Variants in PSD3 observed in about 807,000 individuals in gnomAD.
PSD3 encodes the protein pleckstrin and Sec7 domain containing 3.
Under a neutral mutation model 105.5 loss-of-function variants are expected in PSD3, and 49 were observed. The observed-to-expected ratio is 0.46, with a 90% CI of 0.37 to 0.59. The LOEUF is 0.59. Among genes scored for constraint, PSD3 ranks in the 20% least tolerant of loss-of-function variants. The probability of loss-of-function intolerance (pLI) is 0.00; values close to 1 mark genes in which losing one functional copy is unlikely to be tolerated. For missense variants in PSD3, 1,561 were observed against 1,263.8 expected, an observed-to-expected ratio of 1.24 and a Z score of -3.57; for synonymous variants, 557 against 457.8, an observed-to-expected ratio of 1.22 and a Z score of -2.77.
chr8:18,545,223 G>C (rs1190478248), intron 15 of PSD3, among the ~76,000 whole-genome samples: 2 of 151,946 alleles, frequency 1.3e-5, no homozygotes, highest in African/African-American at 2.4e-5. Context: ...AGTCTACAAA[G>C]CTTACTTAGA....
chr8:18,872,189 A>G lies in PSD3; in HGVS notation c.675T>C (p.Thr225=). 6.2e-7 allele frequency: 1 copy of G among 1,614,196 alleles called. No homozygotes were observed. Among genetic ancestry groups the G allele is most frequent in the Non-Finnish European group, 8.5e-7 (1 of 1,180,028 alleles). ...TCATTATCTGGGAAATCTCTGCCTGAGTGTCTCCAGTTAACAGCGCGGTGA... is the reference window on the plus strand; with the variant it reads ...TCATTATCTGGGAAATCTCTGCCTGGGTGTCTCCAGTTAACAGCGCGGTGA... ...KDLTALLTGD[T]QAEISQIMNN... The change falls in exon 3 of 16, where the codon ACT becomes ACC. Residue 225 remains threonine, a synonymous_variant. Transcript: ENST00000327040.
intron 1 of PSD3, chr8:18,989,531 G>T (rs1825683969): frequency 6.6e-6 from 1 of 152,188 alleles, no homozygotes. Context: ...TAGGTTAGAT[G>T]ATTTAATGAG....
At chr8:18,603,147 G>A (rs2130588459) in intron 11 of PSD3, among the ~76,000 whole-genome samples, 1 of 152,328 alleles carries the variant, frequency 6.6e-6, no homozygotes, top group South Asian at 2.1e-4. Flanking sequence ...CATTTTACAT[G>A]TGAGCCCATC....
chr8:19,004,772 CG>C (rs1426861367), intron 1 of PSD3, among the ~76,000 whole-genome samples: 1 of 151,818 alleles, frequency 6.6e-6, no homozygotes, highest in Non-Finnish European at 1.5e-5. Flanking sequence ...ATTGAATTAC[CG>C]GGGTGAGTCT....
At chr8:18,607,804 AC>A (rs1172713945) in intron 11 of PSD3, among the ~76,000 whole-genome samples, 10 of 151,994 alleles carry the variant, frequency 6.6e-5, no homozygotes, top group African/African-American at 2.4e-4. Context: ...TAACTGACTC[AC>A]AGTTCAGCAT....
At chr8:18,570,995 G>C (rs1802100434) in intron 14 of PSD3, among the ~76,000 whole-genome samples, 1 of 152,106 alleles carries the variant, frequency 6.6e-6, no homozygotes, top group South Asian at 2.1e-4. Context: ...AAGTAGCTGG[G>C]ATTACAGTCA....
At chr8:18,746,014 T>G (rs959358764) in intron 9 of PSD3, among the ~76,000 whole-genome samples, 7 of 152,202 alleles carry the variant, frequency 4.6e-5, no homozygotes, top group Admixed American at 3.9e-4. Flanking sequence ...AAATCCTACC[T>G]TCAGGCCAAA....
At chr8:19,073,763 C>T (rs1829351700) in intron 1 of PSD3, among the ~76,000 whole-genome samples, 1 of 151,086 alleles carries the variant, frequency 6.6e-6, no homozygotes, top group African/African-American at 2.4e-5. Flanking sequence ...CTCTGATTTG[C>T]TATTCAAACA....
At chr8:18,672,932 G>A (rs2130919087) in intron 9 of PSD3, among the ~76,000 whole-genome samples, 1 of 151,848 alleles carries the variant, frequency 6.6e-6, no homozygotes, top group East Asian at 1.9e-4. Flanking sequence ...TTCCAGTCTC[G>A]TATGTACCTA....
chr8:18,918,163 G>C (rs1820746211), intron 2 of PSD3, among the ~76,000 whole-genome samples: 1 of 152,178 alleles, frequency 6.6e-6, no homozygotes, highest in Admixed American at 6.5e-5. Context: ...CTGCCCACCT[G>C]AAGTCTTCTA....
intron 1 of PSD3, among the ~76,000 whole-genome samples, chr8:19,060,392 G>A (rs1434451812): frequency 6.6e-6 from 1 of 152,102 alleles, no homozygotes; most frequent in African/African-American, 2.4e-5. Context: ...TAACCACAGA[G>A]GTCTATAGAT....
chr8:18,663,607 C>A (rs1420143105), intron 9 of PSD3, among the ~76,000 whole-genome samples: 1 of 152,196 alleles, frequency 6.6e-6, no homozygotes, highest in East Asian at 1.9e-4. Context: ...ACTACTTTTG[C>A]TTCACCTTGA....
Position 18,541,273 on chromosome 8 carries a change from C to T in PSD3, c.2929-5315G>A, listed in dbSNP as rs75813685. On this transcript the variant is annotated intron_variant, in intron 15 of 15. Coordinates refer to ENST00000327040, the MANE Select transcript of PSD3 (RefSeq NM_015310.4). ...ATATATCCCCAGGGCCAAGAACACACAGTGGACAAGGAATAAGCGCCACTG... is the reference window on the plus strand; with the variant it reads ...ATATATCCCCAGGGCCAAGAACACATAGTGGACAAGGAATAAGCGCCACTG... Among the ~76,000 whole-genome samples the T allele has an allele frequency of 3.2e-3, 490 of 151,426 alleles. 6 individuals carry two copies. The highest frequency in any genetic ancestry group is 0.011 in the African/African-American group (458 of 41,186).
At chr8:18,907,062 C>T (rs1289135112) in intron 2 of PSD3, among the ~76,000 whole-genome samples, 5 of 152,112 alleles carry the variant, frequency 3.3e-5, no homozygotes, top group African/African-American at 4.8e-5. Flanking sequence ...TTTTAAGTAT[C>T]ATTACAAAAT....
At chr8:18,761,385 C>G (rs1463903265) in intron 9 of PSD3, among the ~76,000 whole-genome samples, 1 of 152,094 alleles carries the variant, frequency 6.6e-6, no homozygotes, top group African/African-American at 2.4e-5. Context: ...CCTTCCAGCC[C>G]ACTTTAGGCT....
At chr8:18,668,263 G>GT (rs1025246345) in intron 9 of PSD3, among the ~76,000 whole-genome samples, 1 of 152,232 alleles carries the variant, frequency 6.6e-6, no homozygotes, top group Non-Finnish European at 1.5e-5. Context: ...ATTAGAAATT[G>GT]TAAGGAGGAA....
intron 4 of PSD3, among the ~76,000 whole-genome samples, chr8:18,867,376 T>C (rs150156268): frequency 1.3e-5 from 2 of 152,330 alleles, no homozygotes; most frequent in African/African-American, 4.8e-5. Context: ...ACCACGTCTC[T>C]GCCATCATCG....
intron 1 of PSD3, among the ~76,000 whole-genome samples, chr8:18,959,920 G>C (rs1264553222): frequency 6.6e-6 from 1 of 152,130 alleles, no homozygotes; most frequent in Non-Finnish European, 1.5e-5. Flanking sequence ...TGGTCCCTCA[G>C]GCTGGAAACA....
rs183624761 is a variant in PSD3, at chr8:18,914,058, C to T, written c.130+21976G>A. Among the ~76,000 whole-genome samples, 365 of 152,232 alleles carry T rather than the reference C, an allele frequency of 2.4e-3. 2 individuals carry two copies. The highest frequency in any genetic ancestry group is 8.1e-3 in the African/African-American group (337 of 41,520). ...CTGAAAATCCAGGCTCTAAGCAAACCCCAGGGGAGCCAGGAACCAGCCTGC... is the reference window on the plus strand; with the variant it reads ...CTGAAAATCCAGGCTCTAAGCAAACTCCAGGGGAGCCAGGAACCAGCCTGC... On this transcript the variant is annotated intron_variant, in intron 2 of 15. Transcript: ENST00000327040.
Sources: gnomAD v4.1 joint callset for allele counts (sites outside exome capture counted in the v4.1 genomes callset) on GRCh38, gnomAD v4.1.1 for gene constraint, MANE v1.5 for transcripts, NCBI Gene and HGNC (gene_info 2026-07-23, HGNC 2026-07-21) for gene names.